Variants in NAALADL2 observed in about 807,000 individuals in gnomAD.
The protein encoded by NAALADL2 is N-acetylated alpha-linked acidic dipeptidase like 2, also known as inactive N-acetylated-alpha-linked acidic dipeptidase-like protein 2.
In NAALADL2, 76 loss-of-function variants were observed where a neutral mutation model predicts 87.2. The ratio of observed to expected loss-of-function variants is 0.87; its 90% CI spans 0.72 to 1.05. The LOEUF is 1.05. Ranked by LOEUF, NAALADL2 falls within the 50% of genes least tolerant of loss-of-function variation. NAALADL2 has a pLI of 0.00. For missense variants in NAALADL2, 1,089 were observed against 945.8 expected (o/e 1.15, Z -1.99); for synonymous variants, 354 against 331.0 (o/e 1.07, Z -0.75).
intron 2 of NAALADL2, among the ~76,000 whole-genome samples, chr3:174,688,094 T>A (rs1459466933): frequency 6.6e-6 from 1 of 152,210 alleles, no homozygotes; most frequent in Non-Finnish European, 1.5e-5. Flanking sequence ...TAGATGTGTT[T>A]AATAATTTGT....
chr3:174,475,595 C>T (rs2108318699), intron 1 of NAALADL2, among the ~76,000 whole-genome samples: 1 of 152,012 alleles, frequency 6.6e-6, no homozygotes, highest in Non-Finnish European at 1.5e-5. Flanking sequence ...ATTAATCAAG[C>T]ACTCATTCAT....
At chr3:174,567,906 G>T (rs1294973210) in intron 2 of NAALADL2, among the ~76,000 whole-genome samples, 2 of 151,678 alleles carry the variant, frequency 1.3e-5, no homozygotes, top group East Asian at 3.9e-4. Context: ...TTAGAAGGTC[G>T]TAGAGACTCT....
At chr3:174,858,470 C>A (rs1240038832), upstream of NAALADL2, among the ~76,000 whole-genome samples, 2 of 152,020 alleles carry the variant, frequency 1.3e-5, no homozygotes, top group Non-Finnish European at 2.9e-5. Flanking sequence ...AGTTAATATT[C>A]ACCATGCTTC....
At chr3:174,761,285 A>T (rs2109071979) in intron 3 of NAALADL2, among the ~76,000 whole-genome samples, 1 of 152,300 alleles carries the variant, frequency 6.6e-6, no homozygotes, top group South Asian at 2.1e-4. Context: ...CTTTTTAAAG[A>T]TTTTTAATAT....
At chr3:175,780,369 C>CACAA (rs1487862080) in intron 13 of NAALADL2, among the ~76,000 whole-genome samples, 2 of 151,754 alleles carry the variant, frequency 1.3e-5, no homozygotes, top group Non-Finnish European at 2.9e-5. Context: ...CACAAACACA[C>CACAA]ACAAACAGTA....
intron 1 of NAALADL2, among the ~76,000 whole-genome samples, chr3:174,990,023 G>A (rs1400941963): frequency 6.6e-6 from 1 of 152,028 alleles, no homozygotes; most frequent in Non-Finnish European, 1.5e-5. Context: ...CGTAAAAAGA[G>A]ATTTCCTATT....
intron 9 of NAALADL2, among the ~76,000 whole-genome samples, chr3:175,531,243 C>T (rs2073653561): frequency 6.6e-6 from 1 of 151,968 alleles, no homozygotes; most frequent in Non-Finnish European, 1.5e-5. Context: ...TGTGTTGCCT[C>T]CAAAATCGAA....
chr3:174,748,137 A>C (rs2109028335), intron 3 of NAALADL2, among the ~76,000 whole-genome samples: 1 of 152,102 alleles, frequency 6.6e-6, no homozygotes, highest in Admixed American at 6.5e-5. Flanking sequence ...CAGGGAGGGG[A>C]ACAACACACA....
At position 175,645,479 on chromosome 3, in the gene NAALADL2, C is replaced by T. The variant is rs972851779; in HGVS notation, c.1896+18093C>T. ...TAACAGTGGAATATGGCCAAGGCTC[C>T]GGGGAGTCCTACCTAGTCTGGGACG... is the stretch of plus-strand genomic sequence containing the variant. On this transcript the variant is annotated intron_variant, in intron 11 of 13. Transcript: ENST00000454872. 5.3e-5 allele frequency among the ~76,000 whole-genome samples: 8 copies of T among 152,100 alleles called. No individual in the cohort carries two copies. In the South Asian group the frequency reaches 8.3e-4, roughly 16 times the overall value.
intron 11 of NAALADL2, among the ~76,000 whole-genome samples, chr3:175,728,418 A>AT (rs1743224066): frequency 6.6e-6 from 1 of 152,164 alleles, no homozygotes; most frequent in Non-Finnish European, 1.5e-5. Flanking sequence ...TAACTTGGGT[A>AT]TGTCAGGAAT....
At chr3:174,557,249 C>T (rs529941334) in intron 2 of NAALADL2, among the ~76,000 whole-genome samples, 1 of 152,084 alleles carries the variant, frequency 6.6e-6, no homozygotes, top group Non-Finnish European at 1.5e-5. Context: ...AAATAGTTGA[C>T]CTACATGCCA....
intron 3 of NAALADL2, among the ~76,000 whole-genome samples, chr3:174,801,854 G>C (rs1490833805): frequency 1.3e-5 from 2 of 151,700 alleles, no homozygotes; most frequent in African/African-American, 4.8e-5. Flanking sequence ...TATCATGATA[G>C]CTTAAGAGGT....
At chr3:174,900,594 C>A (rs1322597338) in intron 1 of NAALADL2, among the ~76,000 whole-genome samples, 5 of 151,538 alleles carry the variant, frequency 3.3e-5, no homozygotes, top group Non-Finnish European at 4.4e-5. Context: ...CATAAATAAG[C>A]TTTTATATGA....
intron 11 of NAALADL2, among the ~76,000 whole-genome samples, chr3:175,734,598 C>T (rs1311619586): frequency 6.6e-6 from 1 of 152,106 alleles, no homozygotes; most frequent in African/African-American, 2.4e-5. Flanking sequence ...GGTTCCAAAC[C>T]ACAATTCTTG....
At chr3:174,777,180 C>A (rs1715314244) in intron 3 of NAALADL2, among the ~76,000 whole-genome samples, 1 of 152,020 alleles carries the variant, frequency 6.6e-6, no homozygotes, top group Non-Finnish European at 1.5e-5. Context: ...GTATGGAATT[C>A]CTCTTTCTAA....
chr3:175,754,290 G>T (rs562669035), intron 12 of NAALADL2, among the ~76,000 whole-genome samples: 4 of 152,134 alleles, frequency 2.6e-5, no homozygotes, highest in Non-Finnish European at 5.9e-5. Context: ...AAGTGGTAGC[G>T]CAGGGATTTA....
At chr3:175,511,652 A>G (rs535925411) in intron 9 of NAALADL2, among the ~76,000 whole-genome samples, 1 of 152,308 alleles carries the variant, frequency 6.6e-6, no homozygotes, top group African/African-American at 2.4e-5. Flanking sequence ...AGAGACTCTC[A>G]CTCATTGTTA....
chr3:175,397,305 C>T (rs546437585), intron 5 of NAALADL2: 1 of 152,252 alleles, frequency 6.6e-6, no homozygotes, highest in Admixed American at 6.5e-5. Context: ...CTAATCTTCT[C>T]TGTATCATTC....
chr3:175,123,988 A>G (rs926421855), intron 2 of NAALADL2, among the ~76,000 whole-genome samples: 5 of 151,996 alleles, frequency 3.3e-5, no homozygotes, highest in African/African-American at 1.2e-4. Context: ...GGAAAGAGAA[A>G]AGAACATCAG....
Sources: gnomAD v4.1 joint callset for allele counts (sites outside exome capture counted in the v4.1 genomes callset) on GRCh38, gnomAD v4.1.1 for gene constraint, MANE v1.5 for transcripts, NCBI Gene and HGNC (gene_info 2026-07-23, HGNC 2026-07-21) for gene names.